Variants in PPM1B observed in about 807,000 individuals in gnomAD.
PPM1B encodes the protein protein phosphatase, Mg2+/Mn2+ dependent 1B.
Under a neutral mutation model 43.0 loss-of-function variants are expected in PPM1B, and 22 were observed. That is an observed-to-expected ratio of 0.51 (90% CI 0.37 to 0.73). PPM1B has a LOEUF of 0.73. Among genes scored for constraint, PPM1B ranks in the 30% least tolerant of loss-of-function variants. PPM1B has a pLI of 0.00. For synonymous variants in PPM1B, 217 were observed against 197.9 expected (o/e 1.10, Z -0.81); for missense variants, 632 against 584.2 (o/e 1.08, Z -0.84).
At chr2:44,194,991 A>G (rs1230182247) in intron 1 of PPM1B, among the ~76,000 whole-genome samples, 1 of 149,364 alleles carries the variant, frequency 6.7e-6, no homozygotes, top group Non-Finnish European at 1.5e-5. Flanking sequence ...TCTCAGGTTC[A>G]AGTGATCTTC....
intron 1 of PPM1B, among the ~76,000 whole-genome samples, chr2:44,197,540 T>C (rs1668722807): frequency 6.6e-6 from 1 of 152,222 alleles, no homozygotes; most frequent in South Asian, 2.1e-4. Flanking sequence ...AGTAATTCTG[T>C]TTATCTGTGT....
chr2:44,228,065 G>A (rs375804259), intron 5 of PPM1B, among the ~76,000 whole-genome samples: 1 of 151,430 alleles, frequency 6.6e-6, no homozygotes. Flanking sequence ...TGGGATTGCA[G>A]GCACTTGCCA....
In PPM1B at chr2:44,231,247, G is replaced by T. The variant is rs1176333711; in HGVS notation, c.*529G>T. ...TTTGTTTATATTTTACATCTCTGTA[G>T]TTTTATTTTTAGAAGTTGTGAGATA... On this transcript the variant is annotated 3_prime_UTR_variant, in exon 6 of 6. Coordinates refer to ENST00000282412, the MANE Select transcript of PPM1B (RefSeq NM_002706.6). 2.0e-6 allele frequency: 2 copies of T among 979,060 alleles called. No homozygotes were observed. The highest frequency in any genetic ancestry group is 6.2e-5 in the Admixed American group (1 of 16,240). 60.6% of individuals were successfully genotyped at this position (979,060 alleles called of 1,614,324 possible). A position where few individuals can be genotyped will look rare whatever the true frequency, so the allele number is the denominator to read the frequency against.
chr2:44,185,829 C>T (rs74571708), intron 1 of PPM1B, among the ~76,000 whole-genome samples: 4,372 of 152,278 alleles, frequency 0.029, 85 homozygotes, highest in Non-Finnish European at 0.043. Flanking sequence ...TGTAAAATAT[C>T]TCTTAAACAA....
At chr2:44,234,854 G>T (rs1267587994), downstream of PPM1B, among the ~76,000 whole-genome samples, 1 of 152,088 alleles carries the variant, frequency 6.6e-6, no homozygotes, top group Non-Finnish European at 1.5e-5. Flanking sequence ...AAAAATAATT[G>T]TCTTATAAGT....
intron 1 of PPM1B, among the ~76,000 whole-genome samples, chr2:44,192,991 T>C (rs916661352): frequency 2.6e-5 from 4 of 152,190 alleles, no homozygotes; most frequent in African/African-American, 9.6e-5. Flanking sequence ...TTAGGTTGAT[T>C]GCATAACTTG....
At chr2:44,214,364 C>T (rs1327685637) in intron 3 of PPM1B, among the ~76,000 whole-genome samples, 5 of 151,692 alleles carry the variant, frequency 3.3e-5, no homozygotes, top group Non-Finnish European at 5.9e-5. Context: ...CCACTGCGCC[C>T]GACCCCATAG....
chr2:44,169,644 C>G (rs1412046374), intron 1 of PPM1B, among the ~76,000 whole-genome samples: 1 of 152,264 alleles, frequency 6.6e-6, no homozygotes, highest in Non-Finnish European at 1.5e-5. Context: ...GCTTCTCTTC[C>G]TGGTGCATGC....
chr2:44,222,787 C>T (rs1448276454), intron 5 of PPM1B, among the ~76,000 whole-genome samples: 1 of 152,118 alleles, frequency 6.6e-6, no homozygotes, highest in Admixed American at 6.5e-5. Flanking sequence ...CAGGAAAAAT[C>T]ATTTCCCATT....
chr2:44,174,296 A>T (rs996453410), intron 1 of PPM1B, among the ~76,000 whole-genome samples: 1 of 152,236 alleles, frequency 6.6e-6, no homozygotes, highest in Non-Finnish European at 1.5e-5. Flanking sequence ...AAGAAGATCC[A>T]GTTAAATCCG....
intron 5 of PPM1B, among the ~76,000 whole-genome samples, chr2:44,224,481 T>C (rs2104250384): frequency 6.6e-6 from 1 of 151,824 alleles, no homozygotes; most frequent in African/African-American, 2.4e-5. Flanking sequence ...AAAAAGAATT[T>C]TGGTTATGAG....
At chr2:44,236,990 A>G (rs1417758877), downstream of PPM1B, among the ~76,000 whole-genome samples, 2 of 152,234 alleles carry the variant, frequency 1.3e-5, no homozygotes, top group Non-Finnish European at 2.9e-5. Flanking sequence ...TAGTTGTGCA[A>G]AAAATCCATT....
chr2:44,185,329 G>A (rs1010305710), intron 1 of PPM1B, among the ~76,000 whole-genome samples: 3 of 152,086 alleles, frequency 2.0e-5, no homozygotes, highest in African/African-American at 7.2e-5. Context: ...AGTTGATTAA[G>A]TGGTAATTTT....
intron 2 of PPM1B, among the ~76,000 whole-genome samples, chr2:44,203,496 A>G (rs1457565037): frequency 6.6e-6 from 1 of 152,146 alleles, no homozygotes; most frequent in Admixed American, 6.5e-5. Flanking sequence ...TATACTTACT[A>G]TTGGAAAAAA....
At chr2:44,234,642 C>T (rs909794684), downstream of PPM1B, 2 of 983,196 alleles carry the variant, frequency 2.0e-6, no homozygotes, top group Admixed American at 6.2e-5. Flanking sequence ...GTTGACTCAT[C>T]TGAATTTCCT....
intron 1 of PPM1B, among the ~76,000 whole-genome samples, chr2:44,187,335 A>G (rs1011541081): frequency 1.3e-5 from 2 of 152,004 alleles, no homozygotes; most frequent in African/African-American, 2.4e-5. Flanking sequence ...GGTTGCTTCT[A>G]CCTCTTGGCT....
chr2:44,235,166 T>C (rs775189796), downstream of PPM1B, among the ~76,000 whole-genome samples: 8 of 152,252 alleles, frequency 5.3e-5, no homozygotes, highest in Non-Finnish European at 1.0e-4. Flanking sequence ...TATGTTAAAA[T>C]CCACTGGGTC....
At chr2:44,177,662 C>T (rs1185870038) in intron 1 of PPM1B, among the ~76,000 whole-genome samples, 1 of 151,986 alleles carries the variant, frequency 6.6e-6, no homozygotes, top group Non-Finnish European at 1.5e-5. Context: ...TCAAGATCTG[C>T]CCGCCTCGGC....
intron 1 of PPM1B, among the ~76,000 whole-genome samples, chr2:44,181,629 A>T (rs549886223): frequency 3.9e-5 from 6 of 152,250 alleles, no homozygotes; most frequent in African/African-American, 7.2e-5. Flanking sequence ...GGTTGAATAT[A>T]TATCAAAAGA....
Sources: allele counts gnomAD v4.1 joint callset (sites outside exome capture counted in the v4.1 genomes callset), GRCh38; gene constraint gnomAD v4.1.1; transcripts MANE v1.5; gene names NCBI Gene and HGNC (gene_info 2026-07-23, HGNC 2026-07-21).